PCNT: variants seen among roughly 807,000 people sequenced by gnomAD.
PCNT encodes the protein kendrin.
In PCNT, 319 loss-of-function variants were observed where a neutral mutation model predicts 380.4. That is an observed-to-expected ratio of 0.84 (90% CI 0.77 to 0.92). The LOEUF is 0.92. Ranked by LOEUF, PCNT falls within the 40% of genes least tolerant of loss-of-function variation. The pLI is 0.00. For synonymous variants in PCNT, 1,845 were observed against 1,735.2 expected (o/e 1.06, Z -1.57); for missense variants, 4,400 against 4,255.3 (o/e 1.03, Z -0.95).
chr21:46,347,252 CCTCT>C (rs2084103474), intron 5 of PCNT, among the ~76,000 whole-genome samples: 1 of 152,158 alleles, frequency 6.6e-6, no homozygotes, highest in African/African-American at 2.4e-5. Flanking sequence ...ACCTTCACCT[CCTCT>C]CTTAGATCGT....
intron 24 of PCNT, among the ~76,000 whole-genome samples, chr21:46,399,253 CCT>C: frequency 8.0e-6 from 1 of 124,244 alleles, no homozygotes; most frequent in East Asian, 2.1e-4. Context: ...TCTAGGTCTC[CCT>C]GTGCAGCCTG....
chr21:46,436,831 G>A, intron 39 of PCNT, 148 bp from the exon 40 acceptor site: 1 of 700,240 alleles, frequency 1.4e-6, no homozygotes, highest in Non-Finnish European at 2.6e-6. Flanking sequence ...TGGGCCCCTG[G>A]CTCTGCCTCA....
At chr21:46,438,738 T>G (rs1190827184) in intron 41 of PCNT, among the ~76,000 whole-genome samples, 1 of 150,244 alleles carries the variant, frequency 6.7e-6, no homozygotes, top group Non-Finnish European at 1.5e-5. Flanking sequence ...AGTGGTGCGA[T>G]CTCAGCTCAC....
Position 46,349,819 on chromosome 21 carries a change from A to G in PCNT, c.1343A>G (p.Glu448Gly), listed in dbSNP as rs2084202176. 6.2e-7 allele frequency: 1 copy of G among 1,613,984 alleles called. No individual in the cohort carries two copies. Among genetic ancestry groups the G allele is most frequent in the Non-Finnish European group, 8.5e-7 (1 of 1,179,864 alleles). ...GAGAGCGAGAAAGAAAAACAGCTGG[A>G]GGTGGGCAGCAGCTTCGTTATTTAA... ...FKESEKEKQL[E>G]LENLQASYED... is the part of the protein sequence containing the mutation. Residue 448 changes from glutamate (E) to glycine (G), a missense_variant and splice_region_variant, in exon 8 of 47, where the codon GAG becomes GGG. Physicochemically the swap from Glu to Gly is moderately conservative, Grantham distance 98 (BLOSUM62 -2). Transcript: ENST00000359568.
chr21:46,398,617 C>T (rs568487231), intron 24 of PCNT, among the ~76,000 whole-genome samples: 1 of 152,140 alleles, frequency 6.6e-6, no homozygotes, highest in African/African-American at 2.4e-5. Context: ...GCCATGCCGC[C>T]GTCCTTTCTC....
chr21:46,426,850 T>A (rs969865570), intron 33 of PCNT, among the ~76,000 whole-genome samples: 4 of 152,194 alleles, frequency 2.6e-5, no homozygotes, highest in African/African-American at 9.6e-5. Flanking sequence ...CCCCTGTGCC[T>A]GCCTCTGACT....
At chr21:46,390,525 G>C (rs564768486) in intron 19 of PCNT, 145 bp from the exon 20 acceptor site, 1 of 822,206 alleles carries the variant, frequency 1.2e-6, no homozygotes, top group East Asian at 2.5e-5. Context: ...GCTGAGATGT[G>C]CTCAGGTCCC....
At chr21:46,409,540 G>A (rs978155651) in intron 27 of PCNT, among the ~76,000 whole-genome samples, 1 of 152,120 alleles carries the variant, frequency 6.6e-6, no homozygotes, top group Non-Finnish European at 1.5e-5. Context: ...ATTTTCCTGA[G>A]AAATTTCATA....
At chr21:46,368,689 T>A (rs1034403898) in intron 15 of PCNT, among the ~76,000 whole-genome samples, 1 of 152,200 alleles carries the variant, frequency 6.6e-6, no homozygotes, top group African/African-American at 2.4e-5. Context: ...GTTGAGCATG[T>A]GGAGCCACTG....
chr21:46,346,255 C>T, intron 4 of PCNT, 47 bp downstream of exon 4: 2 of 1,314,472 alleles, frequency 1.5e-6, no homozygotes, highest in Non-Finnish European at 1.1e-6. Flanking sequence ...GCTCTGTTAT[C>T]CCCACAGGGC....
Position 46,398,106 on chromosome 21 carries a change from G to A in PCNT, c.4539G>A (p.Gln1513=), listed in dbSNP as rs1206081058. Residue 1513 remains glutamine (Q), a synonymous_variant, in exon 23 of 47, where the codon CAG becomes CAA. Transcript: ENST00000359568. ...AGCTCCGCCAGGCGGCCAAGCCGCA[G>A]CCCTGGGGCCCTCGCGACAGCCAGG... The part of the protein sequence containing the change: ...EGQLRQAAKP[Q]PWGPRDSQQA... 3 of 1,604,074 alleles carry A rather than the reference G, an allele frequency of 1.9e-6. No individual in the cohort carries two copies. Among genetic ancestry groups the A allele is most frequent in the Non-Finnish European group, 2.6e-6 (3 of 1,176,302 alleles).
Position 46,442,600 on chromosome 21 carries a change from T to A in PCNT, c.9700+27T>A, listed in dbSNP as rs1601224019. 5 of 1,405,484 alleles carry A rather than the reference T, an allele frequency of 3.6e-6. 1 individual carries two copies. The South Asian group carries it at 5.8e-5, about 16-fold the overall frequency. The allele number at this position is 1,405,484 out of a possible 1,614,324, so 87.1% of individuals were successfully genotyped here. Reference sequence around the variant, plus strand: ...TGGGACTCCAGCTGCTGTTGACCGCTGGACTCACAAACCTTTCTTTCTACT... The same window carrying A: ...TGGGACTCCAGCTGCTGTTGACCGCAGGACTCACAAACCTTTCTTTCTACT... On this transcript the variant is annotated intron_variant, in intron 44 of 46. Coordinates refer to ENST00000359568, the MANE Select transcript of PCNT (RefSeq NM_006031.6).
chr21:46,379,837 G>A (rs1481325808), intron 15 of PCNT, among the ~76,000 whole-genome samples: 1 of 152,176 alleles, frequency 6.6e-6, no homozygotes, highest in East Asian at 1.9e-4. Context: ...TGCCCTCAGG[G>A]CTCTGGCGGG....
At position 46,411,816 on chromosome 21, in the gene PCNT, G is replaced by A. The variant is rs550245456; in HGVS notation, c.5743G>A (p.Ala1915Thr). ...GCAGCAGCCCCTGGCAGCCGGGGCGGCGCCTCCCGAGCTGCAGTGGCTCCG... is the reference window on the plus strand; with the variant it reads ...GCAGCAGCCCCTGGCAGCCGGGGCGACGCCTCCCGAGCTGCAGTGGCTCCG... ...LEQQPLAAGA[A>T]PPELQWLRAQ... The change falls in exon 28 of 47, where the codon GCG (alanine) becomes ACG (threonine). Residue 1915 changes from alanine to threonine, a missense_variant. Transcript: ENST00000359568. 5.3e-4 allele frequency: 830 copies of A among 1,579,242 alleles called. 13 individuals carry two copies. The South Asian group carries it at 8.6e-3, about 16-fold the overall frequency.
At chr21:46,384,348 G>A (rs1193647160) in intron 16 of PCNT, among the ~76,000 whole-genome samples, 1 of 130,528 alleles carries the variant, frequency 7.7e-6, no homozygotes. Flanking sequence ...TGGCGGAAGC[G>A]CATTCACAGT....
At chr21:46,402,284 A>C in intron 26 of PCNT, 47 bp from the exon 27 acceptor site, 1 of 1,261,478 alleles carries the variant, frequency 7.9e-7, no homozygotes. Context: ...ATATTAATAG[A>C]ATATTAGATG....
In PCNT at chr21:46,410,554, T is replaced by A. The variant is rs959864707; in HGVS notation, c.5116-635T>A. Among the ~76,000 whole-genome samples, 3 of 152,254 alleles carry A rather than the reference T, an allele frequency of 2.0e-5. No homozygotes were observed. The South Asian group carries it at 6.2e-4, about 31-fold the overall frequency. On this transcript the variant is annotated intron_variant, in intron 27 of 46. Coordinates refer to ENST00000359568, the MANE Select transcript of PCNT (RefSeq NM_006031.6). ...CCTAATTTTCCACTTACTGTTTTTA[T>A]GGGTTTAGAAAGATGTTTAATATCT...
intron 16 of PCNT, among the ~76,000 whole-genome samples, chr21:46,385,086 G>A (rs555572197): frequency 4.9e-4 from 74 of 152,266 alleles, no homozygotes; most frequent in Non-Finnish European, 7.9e-4. Flanking sequence ...CTGGCACCAT[G>A]GCTCACACCT....
At chr21:46,429,981 G>A (rs1334341466) in intron 35 of PCNT, 29 bp from the exon 36 acceptor site, 1 of 1,580,528 alleles carries the variant, frequency 6.3e-7, no homozygotes, top group African/African-American at 1.3e-5. Flanking sequence ...GCTCATGGGG[G>A]CCTGTTACTG....
Sources: gnomAD v4.1 joint callset for allele counts (sites outside exome capture counted in the v4.1 genomes callset) on GRCh38, gnomAD v4.1.1 for gene constraint, MANE v1.5 for transcripts, NCBI Gene and HGNC (gene_info 2026-07-23, HGNC 2026-07-21) for gene names.